Variants in CCDC149 observed in about 807,000 individuals in gnomAD.
The protein encoded by CCDC149 is coiled-coil domain-containing protein 149.
In CCDC149, 45 loss-of-function variants were observed where a neutral mutation model predicts 59.9. The observed-to-expected ratio is 0.75, with a 90% CI of 0.59 to 0.96. CCDC149 has a LOEUF of 0.96. Among genes scored for constraint, CCDC149 ranks in the 40% least tolerant of loss-of-function variants. The probability of loss-of-function intolerance (pLI) is 0.00; values close to 1 mark genes in which losing one functional copy is unlikely to be tolerated. For missense variants in CCDC149, 584 were observed against 664.7 expected (o/e 0.88, Z 1.33); for synonymous variants, 245 against 260.6 (o/e 0.94, Z 0.58).
chr4:24,975,788 G>A (rs1254138099), intron 1 of CCDC149, among the ~76,000 whole-genome samples: 1 of 145,752 alleles, frequency 6.9e-6, no homozygotes, highest in Non-Finnish European at 1.5e-5. Flanking sequence ...AGAAACCACA[G>A]ATGTCTTCTC....
At chr4:24,876,750 T>C in intron 1 of CCDC149, 53 bp from the exon 2 acceptor site, 1 of 1,530,954 alleles carries the variant, frequency 6.5e-7, no homozygotes, top group Non-Finnish European at 8.9e-7. Context: ...TGGGCCTCCA[T>C]TAAACACACA....
chr4:24,865,512 A>C (rs1718642846), intron 3 of CCDC149, among the ~76,000 whole-genome samples: 1 of 152,190 alleles, frequency 6.6e-6, no homozygotes, highest in South Asian at 2.1e-4. Context: ...CTATAGCGAC[A>C]GCTTTCTTAG....
intron 1 of CCDC149, among the ~76,000 whole-genome samples, chr4:24,956,491 C>A (rs1723469938): frequency 6.6e-6 from 1 of 152,130 alleles, no homozygotes; most frequent in African/African-American, 2.4e-5. Context: ...CTTTAGTGAT[C>A]CACTACCTCA....
At chr4:24,857,436 C>CT (rs1477764269) in intron 3 of CCDC149, among the ~76,000 whole-genome samples, 1 of 152,210 alleles carries the variant, frequency 6.6e-6, no homozygotes, top group Non-Finnish European at 1.5e-5. Flanking sequence ...TGAACACTTA[C>CT]TCTCAATTTC....
chr4:24,893,612 A>ATTTTTTTTTTTTTTTTTTTTTT (rs1560241640), intron 1 of CCDC149, among the ~76,000 whole-genome samples: 3 of 9,370 alleles, frequency 3.2e-4, no homozygotes, highest in Non-Finnish European at 4.6e-4. Context: ...TAAAATACAG[A>ATTTTTTTTTTTTTTTTTTTTTT]CTTTTTTTTT....
chr4:24,897,974 T>G (rs1163298765), intron 1 of CCDC149, among the ~76,000 whole-genome samples: 1 of 152,146 alleles, frequency 6.6e-6, no homozygotes, highest in Non-Finnish European at 1.5e-5. Context: ...GAAAGCAAAT[T>G]GGAACTGGCT....
At chr4:24,938,486 A>T (rs1722847202) in intron 1 of CCDC149, among the ~76,000 whole-genome samples, 1 of 152,232 alleles carries the variant, frequency 6.6e-6, no homozygotes, top group Non-Finnish European at 1.5e-5. Flanking sequence ...TGCAGAAGAC[A>T]GGTGATTTCT....
chr4:24,949,983 A>T (rs573516795), intron 1 of CCDC149, among the ~76,000 whole-genome samples: 2 of 152,330 alleles, frequency 1.3e-5, no homozygotes, highest in South Asian at 2.1e-4. Context: ...GTCATAGGTT[A>T]TGCCAAGGAT....
At chr4:24,901,818 T>C (rs1292296366) in intron 1 of CCDC149, among the ~76,000 whole-genome samples, 2 of 152,180 alleles carry the variant, frequency 1.3e-5, no homozygotes, top group Non-Finnish European at 2.9e-5. Context: ...AAGGGCCATC[T>C]TGGACTCATT....
chr4:24,819,018 G>A (rs1715191597), intron 12 of CCDC149, among the ~76,000 whole-genome samples: 1 of 152,190 alleles, frequency 6.6e-6, no homozygotes, highest in Admixed American at 6.5e-5. Context: ...ACTCCCACAT[G>A]GGAAGAGATC....
At chr4:24,836,547 C>A in intron 6 of CCDC149, 39 bp from the exon 7 acceptor site, 1 of 1,375,344 alleles carries the variant, frequency 7.3e-7, no homozygotes, top group South Asian at 1.2e-5. Flanking sequence ...TGTTTAAGGG[C>A]TAAATAAAAA....
intron 1 of CCDC149, among the ~76,000 whole-genome samples, chr4:24,912,589 C>T (rs1721938485): frequency 6.6e-6 from 1 of 152,310 alleles, no homozygotes; most frequent in Middle Eastern, 3.4e-3. Context: ...GAAGGCCCCT[C>T]CCCAAAGGCT....
chr4:24,903,675 A>C (rs953618639), intron 1 of CCDC149, among the ~76,000 whole-genome samples: 2 of 152,180 alleles, frequency 1.3e-5, no homozygotes, highest in Non-Finnish European at 2.9e-5. Flanking sequence ...CCATCATCAC[A>C]ATCGAGACAT....
At chr4:24,839,193 T>C (rs1049207441) in intron 4 of CCDC149, among the ~76,000 whole-genome samples, 5 of 151,954 alleles carry the variant, frequency 3.3e-5, no homozygotes, top group African/African-American at 1.2e-4. Context: ...TTTTTTTTTT[T>C]TTTTGAGACG....
chr4:24,971,514 C>G (rs1237677809), intron 1 of CCDC149, among the ~76,000 whole-genome samples: 1 of 152,238 alleles, frequency 6.6e-6, no homozygotes, highest in Non-Finnish European at 1.5e-5. Flanking sequence ...TGAGCTTGTG[C>G]TTGGCTTGGA....
chr4:24,816,212 C>T (rs1349856286), intron 12 of CCDC149, among the ~76,000 whole-genome samples: 2 of 152,042 alleles, frequency 1.3e-5, no homozygotes, highest in Admixed American at 1.3e-4. Flanking sequence ...CTCAGCCTTC[C>T]GAGTATCTGG....
intron 1 of CCDC149, among the ~76,000 whole-genome samples, chr4:24,935,807 G>A (rs1722721912): frequency 6.6e-6 from 1 of 152,142 alleles, no homozygotes; most frequent in Non-Finnish European, 1.5e-5. Flanking sequence ...TAAAGTTTAG[G>A]GGAGAGGGAG....
chr4:24,966,171 G>A (rs1389382400), intron 1 of CCDC149, among the ~76,000 whole-genome samples: 4 of 152,156 alleles, frequency 2.6e-5, no homozygotes, highest in East Asian at 1.9e-4. Flanking sequence ...CAAGGGCAAC[G>A]TGACCACACC....
chr4:24,955,201 G>A (rs1422800629), intron 1 of CCDC149, among the ~76,000 whole-genome samples: 2 of 152,104 alleles, frequency 1.3e-5, no homozygotes, highest in Non-Finnish European at 2.9e-5. Flanking sequence ...TTTGGTGTCT[G>A]GTGAGGGCCT....
Sources: gnomAD v4.1 joint callset for allele counts (sites outside exome capture counted in the v4.1 genomes callset) on GRCh38, gnomAD v4.1.1 for gene constraint, MANE v1.5 for transcripts, NCBI Gene and HGNC (gene_info 2026-07-23, HGNC 2026-07-21) for gene names.